The following HOXD9 variants were observed in gnomAD, a reference collection of about 807,000 sequenced individuals.
HOXD9 encodes homeobox protein Hox-D9.
Under a neutral mutation model 24.6 loss-of-function variants are expected in HOXD9, and 21 were observed. The ratio of observed to expected loss-of-function variants is 0.85; its 90% confidence interval spans 0.61 to 1.23. The LOEUF (loss-of-function observed/expected upper bound fraction) is 1.23. HOXD9 is among the 50% of genes most tolerant of loss of function. The probability of loss-of-function intolerance (pLI) is 0.00; values close to 1 mark genes in which losing one functional copy is unlikely to be tolerated. For missense variants in HOXD9, 503 were observed against 503.6 expected (o/e 1.00, Z 0.01); for synonymous variants, 240 against 226.4 (o/e 1.06, Z -0.54).
rs1190613562 is a variant in HOXD9, at chr2:176,124,090, C to T, written c.974C>T (p.Thr325Ile). Residue 325 changes from threonine to isoleucine, a missense_variant, in exon 2 of 2, where the codon ACA (threonine) becomes ATA (isoleucine). Coordinates refer to ENST00000249499, the MANE Select transcript of HOXD9 (RefSeq NM_014213.4). ...RYEVARILNL[T>I]ERQVKIWFQN... is the part of the protein sequence containing the mutation. ...GAGGTGGCCAGGATTCTCAACCTAA[C>T]AGAGAGACAGGTCAAAATCTGGTTT... 1 of 1,614,044 alleles carries T rather than the reference C, an allele frequency of 6.2e-7. No individual in the cohort carries two copies. The highest frequency in any genetic ancestry group is 8.5e-7 in the Non-Finnish European group (1 of 1,180,040).
In HOXD9 at chr2:176,123,383, C is replaced by A. The variant is rs770127587; in HGVS notation, c.615C>A (p.Pro205=). 5.8e-6 allele frequency: 9 copies of A among 1,553,002 alleles called. No individual in the cohort carries two copies. The highest frequency in any genetic ancestry group is 7.8e-6 in the Non-Finnish European group (9 of 1,148,480). ...VARESQGSSG[P]EFSCNSFLQE... ...GGGAGTCCCAGGGGAGCAGCGGCCCCGAGTTCTCGTGCAACTCGTTCCTGC... is the reference window on the plus strand; with the variant it reads ...GGGAGTCCCAGGGGAGCAGCGGCCCAGAGTTCTCGTGCAACTCGTTCCTGC... The change falls in exon 1 of 2, where the codon CCC becomes CCA. Residue 205 remains proline, a synonymous_variant. Coordinates refer to ENST00000249499, the MANE Select transcript of HOXD9 (RefSeq NM_014213.4). The surrounding 1 kb of genome is among the most constrained non-coding windows in gnomAD (Gnocchi z 4.2).
Position 176,123,297 on chromosome 2 carries a change from ACCTCCTCCTCCTCCACTTCCTTAT to A in HOXD9, c.541_564del (p.Ser181_Ser188del). 2.0e-6 allele frequency: 3 copies of A among 1,533,784 alleles called. No homozygotes were observed. Among genetic ancestry groups the A allele is most frequent in the Middle Eastern group, 1.7e-4 (1 of 5,942 alleles). ...GGCCCCCGCCACGGCCGCCTCCACC[ACCTCCTCCTCCTCCACTTCCTTAT>A]CCTCCTCCTCCAAACGGACTGAGTG... On this transcript the variant is annotated inframe_deletion, in exon 1 of 2. Transcript: ENST00000249499. The surrounding 1 kb of genome is among the most constrained non-coding windows in gnomAD (Gnocchi z 4.2).
chr2:176,123,109 G>T lies in HOXD9; in HGVS notation c.341G>T (p.Arg114Leu). ...GCCGCCTCTGCCTCCGAGCCCGGCC[G>T]CTACGTGCGCTCCTGGATGGAGCCG... is the stretch of plus-strand genomic sequence containing the variant. ...PLAASASEPG[R>L]YVRSWMEPLP... is the part of the protein sequence containing the mutation. The change falls in exon 1 of 2, where the codon CGC (arginine) becomes CTC (leucine). Residue 114 changes from arginine to leucine, a missense_variant. By Grantham distance (102) the Arg-to-Leu change is moderately radical. Transcript: ENST00000249499. The surrounding 1 kb of genome is among the most constrained non-coding windows in gnomAD (Gnocchi z 4.2). 1 of 1,510,404 alleles carries T rather than the reference G, an allele frequency of 6.6e-7. No homozygotes were observed. The highest frequency in any genetic ancestry group is 1.4e-5 in the African/African-American group (1 of 68,994). 93.6% of individuals were successfully genotyped at this position (1,510,404 alleles called of 1,614,324 possible).
rs1317807526 is a variant in HOXD9 at position 176,124,152 on chromosome 2, G to C, written c.1036G>C (p.Glu346Gln). 1.9e-6 allele frequency: 3 copies of C among 1,613,174 alleles called. No homozygotes were observed. The highest frequency in any genetic ancestry group is 2.5e-6 in the Non-Finnish European group (3 of 1,179,190). ...RRMKMKKMSK[E>Q]KCPKGD ...GATGAAAATGAAAAAGATGAGCAAGGAGAAATGCCCCAAAGGAGACTGACC... is the reference window on the plus strand; with the variant it reads ...GATGAAAATGAAAAAGATGAGCAAGCAGAAATGCCCCAAAGGAGACTGACC... The change falls in exon 2 of 2, where the codon GAG becomes CAG. Residue 346 changes from glutamate to glutamine, a missense_variant. Physicochemically the swap from Glu to Gln is conservative, Grantham distance 29. Transcript: ENST00000249499.
At position 176,122,817 on chromosome 2, in the gene HOXD9, C is replaced by T; in HGVS notation, c.49C>T (p.Leu17Phe). Residue 17 changes from leucine to phenylalanine, a missense_variant, in exon 1 of 2, where the codon CTC becomes TTC. Coordinates refer to ENST00000249499, the MANE Select transcript of HOXD9 (RefSeq NM_014213.4). The stretch of plus-strand genomic sequence containing the variant: ...CCTCAAAATGTCTTCCAGTGGCACC[C>T]TCAGCAACTACTACGTGGACTCGCT... The part of the protein sequence containing the change: ...GRLKMSSSGT[L>F]SNYYVDSLIG... 6.4e-7 allele frequency: 1 copy of T among 1,550,826 alleles called. No individual in the cohort carries two copies. The highest frequency in any genetic ancestry group is 8.7e-7 in the Non-Finnish European group (1 of 1,154,706).
chr2:176,123,214 C>G lies in HOXD9; in HGVS notation c.446C>G (p.Pro149Arg). ...GGPGRGPSPG[P>R]SGPANGRHYG... ...CCGGGCCGCGGTCCCAGCCCTGGCCCCAGCGGCCCAGCCAACGGGCGCCAC... is the reference window on the plus strand; with the variant it reads ...CCGGGCCGCGGTCCCAGCCCTGGCCGCAGCGGCCCAGCCAACGGGCGCCAC... Residue 149 changes from proline to arginine, a missense_variant, in exon 1 of 2, where the codon CCC (proline) becomes CGC (arginine). Coordinates refer to ENST00000249499, the MANE Select transcript of HOXD9 (RefSeq NM_014213.4). This position sits in a 1 kb window ranked among gnomAD's most constrained non-coding sequence, Gnocchi z 4.2. 6.9e-7 allele frequency: 1 copy of G among 1,456,732 alleles called. No homozygotes were observed. The allele number at this position is 1,456,732 out of a possible 1,614,324, so 90.2% of individuals were successfully genotyped here.
In HOXD9 at chr2:176,123,193, G is replaced by A. The variant is rs780718652; in HGVS notation, c.425G>A (p.Gly142Asp). The stretch of plus-strand genomic sequence containing the variant: ...GGTGGTGGTGGAGGCGGCGGTCCGG[G>A]CCGCGGTCCCAGCCCTGGCCCCAGC... Reference protein sequence around the residue: ...GGGGGGGGGPGRGPSPGPSGP... With the variant: ...GGGGGGGGGPDRGPSPGPSGP... Residue 142 changes from glycine (G) to aspartate (D), a missense_variant, in exon 1 of 2, where the codon GGC becomes GAC. Coordinates refer to ENST00000249499, the MANE Select transcript of HOXD9 (RefSeq NM_014213.4). The surrounding 1 kb of genome is among the most constrained non-coding windows in gnomAD (Gnocchi z 4.2). The A allele has an allele frequency of 5.7e-6, 8 of 1,414,738 alleles. No homozygotes were observed. Among genetic ancestry groups the A allele is most frequent in the Admixed American group, 3.5e-5 (1 of 28,854 alleles). The allele number at this position is 1,414,738 out of a possible 1,614,324, so 87.6% of individuals were successfully genotyped here.
chr2:176,122,783 T>C lies in HOXD9; in HGVS notation c.15T>C (p.Ser5=), dbSNP rs372918813. 80 of 1,520,858 alleles carry C rather than the reference T, an allele frequency of 5.3e-5. No homozygotes were observed. The highest frequency in any genetic ancestry group is 6.1e-5 in the Non-Finnish European group (70 of 1,138,882). The allele number at this position is 1,520,858 out of a possible 1,614,324, so 94.2% of individuals were successfully genotyped here. A position where few individuals can be genotyped will look rare whatever the true frequency, so the allele number is the denominator to read the frequency against. Residue 5 remains serine (S), a synonymous_variant, in exon 1 of 2, where the codon AGT becomes AGC. Coordinates refer to ENST00000249499, the MANE Select transcript of HOXD9 (RefSeq NM_014213.4). MLGG[S]AGRLKMSSSG... ...CGGACAGTGTAATGTTGGGTGGGAG[T>C]GCGGGACGCCTCAAAATGTCTTCCA...
In HOXD9 at chr2:176,122,741, G is replaced by T. The variant is rs747684914; in HGVS notation, c.-28G>T. On this transcript the variant is annotated 5_prime_UTR_variant, in exon 1 of 2. Transcript: ENST00000249499. ...ACTAGTCGGTGGCTCGGGCGCCGGC[G>T]GGGAGCTGCTCGGCGGCGGACAGTG... 1.2e-5 allele frequency: 18 copies of T among 1,456,806 alleles called. No individual in the cohort carries two copies. The South Asian group carries it at 2.1e-4, about 17-fold the overall frequency. 90.2% of individuals were successfully genotyped at this position (1,456,806 alleles called of 1,614,324 possible). A position where few individuals can be genotyped will look rare whatever the true frequency, so the allele number is the denominator to read the frequency against.
chr2:176,123,119 C>T lies in HOXD9; in HGVS notation c.351C>T (p.Arg117=). 1 of 1,463,846 alleles carries T rather than the reference C, an allele frequency of 6.8e-7. No homozygotes were observed. The highest frequency in any genetic ancestry group is 9.0e-7 in the Non-Finnish European group (1 of 1,114,334). The allele number at this position is 1,463,846 out of a possible 1,614,324, so 90.7% of individuals were successfully genotyped here. Residue 117 remains arginine, a synonymous_variant, in exon 1 of 2, where the codon CGC becomes CGT. Transcript: ENST00000249499. The surrounding 1 kb of genome is among the most constrained non-coding windows in gnomAD (Gnocchi z 4.2). ...ASASEPGRYV[R]SWMEPLPGFP... ...CCTCCGAGCCCGGCCGCTACGTGCG[C>T]TCCTGGATGGAGCCGCTGCCCGGCT...
Position 176,124,094 on chromosome 2 carries a change from G to A in HOXD9, c.978G>A (p.Glu326=). The change falls in exon 2 of 2, where the codon GAG becomes GAA. Residue 326 remains glutamate, a synonymous_variant. Coordinates refer to ENST00000249499, the MANE Select transcript of HOXD9 (RefSeq NM_014213.4). The part of the protein sequence containing the change: ...YEVARILNLT[E]RQVKIWFQNR... ...TGGCCAGGATTCTCAACCTAACAGA[G>A]AGACAGGTCAAAATCTGGTTTCAGA... The A allele has an allele frequency of 1.2e-6, 2 of 1,614,160 alleles. No homozygotes were observed. The highest frequency in any genetic ancestry group is 1.7e-6 in the Non-Finnish European group (2 of 1,180,018).
chr2:176,123,330 T>C lies in HOXD9; in HGVS notation c.562T>C (p.Ser188Pro), dbSNP rs1387443429. The change falls in exon 1 of 2, where the codon TCC becomes CCC. Residue 188 changes from serine to proline, a missense_variant. By Grantham distance (74) the Ser-to-Pro change is moderately conservative. Transcript: ENST00000249499. This position sits in a 1 kb window ranked among gnomAD's most constrained non-coding sequence, Gnocchi z 4.2. ...SSSSTSLSSS[S>P]KRTECSVARE... ...CTCCTCCACTTCCTTATCCTCCTCC[T>C]CCAAACGGACTGAGTGCTCCGTGGC... 1.3e-6 allele frequency: 2 copies of C among 1,550,070 alleles called. No homozygotes were observed. The highest frequency in any genetic ancestry group is 2.0e-5 in the Admixed American group (1 of 50,986).
chr2:176,122,935 C>G lies in HOXD9; in HGVS notation c.167C>G (p.Pro56Arg), dbSNP rs550084423. 16 of 1,579,646 alleles carry G rather than the reference C, an allele frequency of 1.0e-5. No individual in the cohort carries two copies. Among genetic ancestry groups the G allele is most frequent in the East Asian group, 4.8e-5 (2 of 41,496 alleles). ...QGRPAGVADGPAATAAEFASC... is the reference protein window; with the variant it reads ...QGRPAGVADGRAATAAEFASC... ...CGGCCTGCAGGTGTGGCTGATGGCC[C>G]GGCCGCCACCGCCGCCGAGTTCGCC... Residue 56 changes from proline to arginine, a missense_variant, in exon 1 of 2, where the codon CCG becomes CGG. Physicochemically the swap from Pro to Arg is moderately radical, Grantham distance 103 (BLOSUM62 -2). Coordinates refer to ENST00000249499, the MANE Select transcript of HOXD9 (RefSeq NM_014213.4).
Position 176,123,494 on chromosome 2 carries a change from C to G in HOXD9, c.726C>G (p.Pro242=), listed in dbSNP as rs111362732. Residue 242 remains proline (P), a synonymous_variant, in exon 1 of 2, where the codon CCC becomes CCG. Coordinates refer to ENST00000249499, the MANE Select transcript of HOXD9 (RefSeq NM_014213.4). The surrounding 1 kb of genome is among the most constrained non-coding windows in gnomAD (Gnocchi z 4.2). ...AATGTGGSSE[P]SACSDHPIPG... is the part of the protein sequence containing the mutation. Reference sequence around the variant, plus strand: ...CTGGGACGGGCGGCTCGTCGGAGCCCTCAGCTTGCAGCGACCACCCGATCC... The same window carrying G: ...CTGGGACGGGCGGCTCGTCGGAGCCGTCAGCTTGCAGCGACCACCCGATCC... The G allele has an allele frequency of 2.6e-6, 4 of 1,533,552 alleles. No homozygotes were observed. Among genetic ancestry groups the G allele is most frequent in the Admixed American group, 1.9e-5 (1 of 52,848 alleles). The allele number at this position is 1,533,552 out of a possible 1,614,324, so 95.0% of individuals were successfully genotyped here.
rs1243907536 is a variant in HOXD9 at position 176,124,518 on chromosome 2, G to A, written c.*343G>A. The A allele has an allele frequency of 1.1e-5, 2 of 176,146 alleles. No homozygotes were observed. Among genetic ancestry groups the A allele is most frequent in the Non-Finnish European group, 2.4e-5 (2 of 83,354 alleles). The allele number at this position is 176,146 out of a possible 1,614,324, so 10.9% of individuals were successfully genotyped here. A position where few individuals can be genotyped will look rare whatever the true frequency, so the allele number is the denominator to read the frequency against. On this transcript the variant is annotated 3_prime_UTR_variant, in exon 2 of 2. Coordinates refer to ENST00000249499, the MANE Select transcript of HOXD9 (RefSeq NM_014213.4). ...CCTCTCTTGTGTAAATGTCCCCCAT[G>A]TTTCTGAAAAGTGCTGTAGTTTAGT...
chr2:176,123,177 G>T lies in HOXD9; in HGVS notation c.409G>T (p.Gly137Ter). Reference sequence around the variant, plus strand: ...CGGTGCGGGCGGTGGCGGTGGTGGTGGAGGCGGCGGTCCGGGCCGCGGTCC... The same window carrying T: ...CGGTGCGGGCGGTGGCGGTGGTGGTTGAGGCGGCGGTCCGGGCCGCGGTCC... ...PGGAGGGGGG[G>*]GGGPGRGPSP... The change falls in exon 1 of 2, where the codon GGA (glycine) becomes TGA (stop). Residue 137 changes from glycine (G) to a stop codon, truncating the protein, a stop_gained. Coordinates refer to ENST00000249499, the MANE Select transcript of HOXD9 (RefSeq NM_014213.4). LOFTEE classifies it high-confidence loss of function. This position sits in a 1 kb window ranked among gnomAD's most constrained non-coding sequence, Gnocchi z 4.2. 2 of 1,409,224 alleles carry T rather than the reference G, an allele frequency of 1.4e-6. No homozygotes were observed. Among genetic ancestry groups the T allele is most frequent in the Non-Finnish European group, 1.8e-6 (2 of 1,086,072 alleles). 87.3% of individuals were successfully genotyped at this position (1,409,224 alleles called of 1,614,324 possible).
chr2:176,123,118 G>T lies in HOXD9; in HGVS notation c.350G>T (p.Arg117Leu). Residue 117 changes from arginine (R) to leucine (L), a missense_variant, in exon 1 of 2, where the codon CGC becomes CTC. Transcript: ENST00000249499. The surrounding 1 kb of genome is among the most constrained non-coding windows in gnomAD (Gnocchi z 4.2). ...GCCTCCGAGCCCGGCCGCTACGTGC[G>T]CTCCTGGATGGAGCCGCTGCCCGGC... is the stretch of plus-strand genomic sequence containing the variant. ...ASASEPGRYVRSWMEPLPGFP... is the reference protein window; with the variant it reads ...ASASEPGRYVLSWMEPLPGFP... 1 of 1,453,296 alleles carries T rather than the reference G, an allele frequency of 6.9e-7. No homozygotes were observed. Among genetic ancestry groups the T allele is most frequent in the Non-Finnish European group, 9.0e-7 (1 of 1,109,070 alleles). 90.0% of individuals were successfully genotyped at this position (1,453,296 alleles called of 1,614,324 possible).
Position 176,124,392 on chromosome 2 carries a change from A to C in HOXD9, c.*217A>C. 1.8e-6 allele frequency: 1 copy of C among 554,506 alleles called. No individual in the cohort carries two copies. The highest frequency in any genetic ancestry group is 2.8e-6 in the Non-Finnish European group (1 of 354,498). 34.3% of individuals were successfully genotyped at this position (554,506 alleles called of 1,614,324 possible). A position where few individuals can be genotyped will look rare whatever the true frequency, so the allele number is the denominator to read the frequency against. On this transcript the variant is annotated 3_prime_UTR_variant, in exon 2 of 2. Transcript: ENST00000249499. ...GCTCGTTTACGTGTTGGAAAAACCA[A>C]GTGGCTTTGGGGTTTCGCCCTATCC... is the stretch of plus-strand genomic sequence containing the variant.
In HOXD9 at chr2:176,122,902, C is replaced by T; in HGVS notation, c.134C>T (p.Ala45Val). 1 of 1,589,252 alleles carries T rather than the reference C, an allele frequency of 6.3e-7. No homozygotes were observed. Among genetic ancestry groups the T allele is most frequent in the Non-Finnish European group, 8.6e-7 (1 of 1,169,430 alleles). ...AARFGPPGPG[A>V]QGRPAGVADG... ...CGCTTCGGGCCGCCGGGGCCAGGCG[C>T]GCAGGGCCGGCCTGCAGGTGTGGCT... is the stretch of plus-strand genomic sequence containing the variant. The change falls in exon 1 of 2, where the codon GCG (alanine) becomes GTG (valine). Residue 45 changes from alanine to valine, a missense_variant. By Grantham distance (64) the Ala-to-Val change is moderately conservative (BLOSUM62 0). Transcript: ENST00000249499.
Sources: gnomAD v4.1 joint callset for allele counts on GRCh38, gnomAD v4.1.1 for gene constraint, Gnocchi (gnomAD v3.1) non-coding constraint, MANE v1.5 for transcripts, NCBI Gene and HGNC (gene_info 2026-07-23, HGNC 2026-07-21) for gene names.